MEIKIN: variants seen among roughly 807,000 people sequenced by gnomAD.
The protein encoded by MEIKIN is meiotic kinetochore factor.
At chr5:131,919,819 A>G (rs1751475145) in intron 6 of MEIKIN, among the ~76,000 whole-genome samples, 1 of 152,214 alleles carries the variant, frequency 6.6e-6, no homozygotes, top group Non-Finnish European at 1.5e-5. Context: ...TGGAAGAAGG[A>G]GAAAGTGACA....
At chr5:131,935,267 C>CAAA (rs749135114) in intron 4 of MEIKIN, among the ~76,000 whole-genome samples, 654 of 34,370 alleles carry the variant, frequency 0.019, 1 homozygote, top group Non-Finnish European at 0.024. Context: ...CCCGTCTCTA[C>CAAA]AAAAAAAAAA....
At chr5:131,815,874 G>C (rs954516362) in intron 12 of MEIKIN, among the ~76,000 whole-genome samples, 8 of 152,232 alleles carry the variant, frequency 5.3e-5, no homozygotes, top group Non-Finnish European at 7.3e-5. Flanking sequence ...GCCTGCTGAA[G>C]GCAGAAGGAA....
At chr5:131,817,687 T>C (rs1773127873) in intron 12 of MEIKIN, among the ~76,000 whole-genome samples, 1 of 151,664 alleles carries the variant, frequency 6.6e-6, no homozygotes. Context: ...CCCTGACAAA[T>C]ACAATTATTA....
intron 9 of MEIKIN, among the ~76,000 whole-genome samples, chr5:131,876,782 G>A (rs1452704239): frequency 9.2e-5 from 14 of 151,882 alleles, no homozygotes; most frequent in African/African-American, 3.4e-4. Context: ...TTAAGAAAAT[G>A]TGGCGCATAT....
intron 9 of MEIKIN, among the ~76,000 whole-genome samples, chr5:131,867,847 C>T (rs1750413948): frequency 6.6e-6 from 1 of 152,184 alleles, no homozygotes; most frequent in South Asian, 2.1e-4. Context: ...CAGGTGCATA[C>T]TTTGTGTGGA....
At chr5:131,936,155 T>G (rs530148811) in intron 4 of MEIKIN, among the ~76,000 whole-genome samples, 1 of 152,096 alleles carries the variant, frequency 6.6e-6, no homozygotes, top group South Asian at 2.1e-4. Flanking sequence ...GTAGAAAAAA[T>G]AATAAATGTT....
At chr5:131,893,095 T>C (rs942093747) in intron 8 of MEIKIN, among the ~76,000 whole-genome samples, 1 of 152,122 alleles carries the variant, frequency 6.6e-6, no homozygotes, top group Non-Finnish European at 1.5e-5. Context: ...CAGAGGAGTA[T>C]GCGGCCATGT....
In MEIKIN at chr5:131,921,880, GGTATCCAGAAGA is replaced by G. The variant is rs1347759832; in HGVS notation, c.528_539del (p.Leu177_Thr180del). ...CCTTCTCTATCGCTACTGCTTTACT[GGTATCCAGAAGA>G]GTAGAATTCTTCCACTGCATGTGTT... On this transcript the variant is annotated inframe_deletion, in exon 6 of 13. Transcript: ENST00000442687. The G allele has an allele frequency of 2.5e-6, 1 of 398,826 alleles. No individual in the cohort carries two copies. The highest frequency in any genetic ancestry group is 2.1e-5 in the African/African-American group (1 of 48,584). The allele number at this position is 398,826 out of a possible 1,614,324, so 24.7% of individuals were successfully genotyped here.
intron 6 of MEIKIN, among the ~76,000 whole-genome samples, chr5:131,920,517 T>C (rs796666222): frequency 2.0e-5 from 3 of 152,170 alleles, no homozygotes; most frequent in South Asian, 4.1e-4. Flanking sequence ...TAATCTTTAA[T>C]TGGAGAAATT....
chr5:131,925,143 T>A (rs1403393307), intron 5 of MEIKIN, among the ~76,000 whole-genome samples: 1 of 152,212 alleles, frequency 6.6e-6, no homozygotes, highest in African/African-American at 2.4e-5. Flanking sequence ...ATGTACAGAT[T>A]CATTTCTCTT....
At chr5:131,822,429 A>G (rs1178671137) in intron 11 of MEIKIN, among the ~76,000 whole-genome samples, 1 of 151,436 alleles carries the variant, frequency 6.6e-6, no homozygotes, top group Admixed American at 6.6e-5. Context: ...GTACACTTCA[A>G]TTTCTTGCTT....
intron 11 of MEIKIN, among the ~76,000 whole-genome samples, chr5:131,831,763 A>C (rs1749719465): frequency 6.6e-6 from 1 of 152,186 alleles, no homozygotes. Flanking sequence ...GAATCATCGC[A>C]GGAGGTGAAA....
At chr5:131,866,501 A>T (rs1350325643) in intron 9 of MEIKIN, among the ~76,000 whole-genome samples, 1 of 152,200 alleles carries the variant, frequency 6.6e-6, no homozygotes, top group Non-Finnish European at 1.5e-5. Flanking sequence ...GTGGCCCTGC[A>T]ACTGGGAAGA....
chr5:131,826,803 T>C (rs1749617409), intron 11 of MEIKIN, among the ~76,000 whole-genome samples: 1 of 152,122 alleles, frequency 6.6e-6, no homozygotes, highest in African/African-American at 2.4e-5. Context: ...TCCACCATGA[T>C]TGTAAGTTTC....
At chr5:131,823,516 C>T (rs1749557422) in intron 11 of MEIKIN, among the ~76,000 whole-genome samples, 1 of 151,942 alleles carries the variant, frequency 6.6e-6, no homozygotes, top group South Asian at 2.1e-4. Flanking sequence ...TTTTCAACTC[C>T]AGGATTTCTG....
At chr5:131,844,830 A>G (rs1022735890) in intron 11 of MEIKIN, among the ~76,000 whole-genome samples, 1 of 152,172 alleles carries the variant, frequency 6.6e-6, no homozygotes, top group African/African-American at 2.4e-5. Flanking sequence ...ACAACTGCAT[A>G]TACAAGGAAA....
chr5:131,834,353 C>T (rs1749765953), intron 11 of MEIKIN, among the ~76,000 whole-genome samples: 2 of 152,152 alleles, frequency 1.3e-5, no homozygotes, highest in Admixed American at 1.3e-4. Flanking sequence ...AAGAACATTT[C>T]AAATATGTTC....
intron 11 of MEIKIN, among the ~76,000 whole-genome samples, chr5:131,839,805 T>A (rs1749872119): frequency 6.6e-6 from 1 of 152,212 alleles, no homozygotes; most frequent in East Asian, 1.9e-4. Context: ...TCTATCCAGC[T>A]TGCCATTATG....
intron 8 of MEIKIN, among the ~76,000 whole-genome samples, chr5:131,880,473 C>T (rs1209473929): frequency 5.9e-5 from 9 of 151,824 alleles, no homozygotes; most frequent in Middle Eastern, 3.4e-3. Flanking sequence ...AACTCCTGAC[C>T]TCAAGTGATC....
Sources: gnomAD v4.1 joint callset for allele counts (sites outside exome capture counted in the v4.1 genomes callset) on GRCh38, gnomAD v4.1.1 for gene constraint, MANE v1.5 for transcripts, NCBI Gene and HGNC (gene_info 2026-07-23, HGNC 2026-07-21) for gene names.